SORCS1: variants seen among roughly 807,000 people sequenced by gnomAD.
SORCS1 encodes sortilin related VPS10 domain containing receptor 1, also known as VPS10 domain-containing receptor SorCS1.
SORCS1 carries 60 observed loss-of-function variants against 146.1 expected under a neutral mutation model. The observed-to-expected ratio is 0.41, with a 90% CI of 0.33 to 0.51. The LOEUF (loss-of-function observed/expected upper bound fraction) is 0.51. SORCS1 is among the 20% of genes least tolerant of loss of function. The probability of loss-of-function intolerance (pLI) is 0.21; values close to 1 mark genes in which losing one functional copy is unlikely to be tolerated. For synonymous variants in SORCS1, 637 were observed against 584.0 expected (o/e 1.09, Z -1.31); for missense variants, 1,352 against 1,487.6 (o/e 0.91, Z 1.50).
chr10:106,888,536 C>A (rs1420889874), intron 2 of SORCS1, among the ~76,000 whole-genome samples: 1 of 152,180 alleles, frequency 6.6e-6, no homozygotes, highest in Non-Finnish European at 1.5e-5. Flanking sequence ...TGAAAGTTTT[C>A]TATCCTGGTT....
rs562857184 is a variant in SORCS1 at position 106,927,478 on chromosome 10, A to G, written c.626+29035T>C. ...TGGACCCAAAGAGTGAGCAGCAGCA[A>G]GACTTATTGCAAAGAGCGAAAGAAT... is the stretch of plus-strand genomic sequence containing the variant. On this transcript the variant is annotated intron_variant, in intron 2 of 25. Transcript: ENST00000263054. 9.2e-5 allele frequency among the ~76,000 whole-genome samples: 14 copies of G among 152,234 alleles called. No individual in the cohort carries two copies. The East Asian group carries it at 2.7e-3, about 29-fold the overall frequency.
intron 2 of SORCS1, among the ~76,000 whole-genome samples, chr10:106,875,678 T>C (rs1950566079): frequency 1.3e-5 from 2 of 152,236 alleles, no homozygotes; most frequent in Admixed American, 6.5e-5. Flanking sequence ...AGGTGTTATC[T>C]TACCATGGCT....
chr10:106,895,005 G>C (rs970375504), intron 2 of SORCS1, among the ~76,000 whole-genome samples: 1 of 152,146 alleles, frequency 6.6e-6, no homozygotes, highest in South Asian at 2.1e-4. Context: ...ATATAAACCA[G>C]ATGTCAACTG....
chr10:107,118,617 G>A (rs141406774), intron 1 of SORCS1, among the ~76,000 whole-genome samples: 2 of 152,230 alleles, frequency 1.3e-5, no homozygotes, highest in East Asian at 1.9e-4. Flanking sequence ...TAAACAGACC[G>A]ATGGGTGACT....
intron 3 of SORCS1, among the ~76,000 whole-genome samples, chr10:106,798,862 T>A (rs933511897): frequency 6.6e-6 from 1 of 152,066 alleles, no homozygotes; most frequent in Non-Finnish European, 1.5e-5. Flanking sequence ...CTTTTTTCAC[T>A]GAATTGGAAA....
At chr10:106,973,651 C>T (rs1021632512) in intron 1 of SORCS1, among the ~76,000 whole-genome samples, 14 of 152,192 alleles carry the variant, frequency 9.2e-5, no homozygotes, top group African/African-American at 2.9e-4. Context: ...GAAAATTGAA[C>T]CTCTCCTTTA....
At chr10:106,740,144 T>G (rs7903481) in intron 5 of SORCS1, among the ~76,000 whole-genome samples, 24,549 of 151,936 alleles carry the variant, frequency 0.16, 3,091 homozygotes, top group African/African-American at 0.35. Flanking sequence ...GTTGTGGAAA[T>G]GCAGTACAGT....
At chr10:106,970,383 G>A (rs1424722463) in intron 1 of SORCS1, among the ~76,000 whole-genome samples, 1 of 121,260 alleles carries the variant, frequency 8.2e-6, no homozygotes, top group Non-Finnish European at 1.6e-5. Context: ...TTGTCTCCCA[G>A]GCTGGAGTGC....
chr10:106,823,541 T>C (rs183846747), intron 3 of SORCS1, among the ~76,000 whole-genome samples: 3 of 152,346 alleles, frequency 2.0e-5, no homozygotes, highest in East Asian at 3.9e-4. Flanking sequence ...CAGTCATGTA[T>C]TGGACACCTA....
chr10:106,631,640 A>T (rs1336900168), intron 18 of SORCS1, among the ~76,000 whole-genome samples: 3 of 152,208 alleles, frequency 2.0e-5, no homozygotes, highest in Non-Finnish European at 4.4e-5. Flanking sequence ...CTTTGTGGTG[A>T]CAGAGTGAGC....
At chr10:106,955,818 A>C (rs1350454869) in intron 2 of SORCS1, among the ~76,000 whole-genome samples, 1 of 151,798 alleles carries the variant, frequency 6.6e-6, no homozygotes, top group Non-Finnish European at 1.5e-5. Context: ...TGGAGAAACC[A>C]CGTCTCTACC....
At chr10:106,652,950 C>A (rs545034636) in intron 17 of SORCS1, among the ~76,000 whole-genome samples, 6 of 151,944 alleles carry the variant, frequency 3.9e-5, no homozygotes, top group Non-Finnish European at 7.4e-5. Context: ...TAATAAATAT[C>A]GCAAAGGAAT....
At chr10:107,028,305 C>G (rs765599840) in intron 1 of SORCS1, among the ~76,000 whole-genome samples, 22 of 152,188 alleles carry the variant, frequency 1.4e-4, no homozygotes, top group Admixed American at 2.6e-4. Context: ...CATCCTTTTC[C>G]TCTTGTGAAA....
rs1441184939 is a variant in SORCS1 at position 106,575,955 on chromosome 10, C to T, written c.*1465G>A. The T allele has an allele frequency of 1.3e-5, 2 of 152,628 alleles. No homozygotes were observed. The highest frequency in any genetic ancestry group is 2.9e-5 in the Non-Finnish European group (2 of 68,038). The allele number at this position is 152,628 out of a possible 1,614,324, so 9.5% of individuals were successfully genotyped here. A position where few individuals can be genotyped will look rare whatever the true frequency, so the allele number is the denominator to read the frequency against. On this transcript the variant is annotated 3_prime_UTR_variant, in exon 26 of 26. Coordinates refer to ENST00000263054, the MANE Select transcript of SORCS1 (RefSeq NM_052918.5). ...CTGCGAAATTGTCACACATTCAAAA[C>T]ATTTCTCACAAGAATCTTCTGGAAT...
rs370208233 is a variant in SORCS1 at position 107,089,523 on chromosome 10, TG to T, written c.558+74445del. ...AATATCATCTAATAGATACTATTTCTGGCGAGTCAGAAAATATCTTTCCTTC... is the reference window on the plus strand; with the variant it reads ...AATATCATCTAATAGATACTATTTCTGCGAGTCAGAAAATATCTTTCCTTC... On this transcript the variant is annotated intron_variant, in intron 1 of 25. Coordinates refer to ENST00000263054, the MANE Select transcript of SORCS1 (RefSeq NM_052918.5). Among the ~76,000 whole-genome samples, 91 of 152,360 alleles carry T rather than the reference TG, an allele frequency of 6.0e-4. No homozygotes were observed. The South Asian group carries it at 0.019, about 31-fold the overall frequency.
chr10:106,732,372 G>A lies in SORCS1; in HGVS notation c.960-2258C>T, dbSNP rs187352004. Among the ~76,000 whole-genome samples the A allele has an allele frequency of 2.5e-3, 374 of 152,236 alleles. 5 individuals carry two copies. The highest frequency in any genetic ancestry group is 8.5e-3 in the African/African-American group (354 of 41,542). On this transcript the variant is annotated intron_variant, in intron 5 of 25. Coordinates refer to ENST00000263054, the MANE Select transcript of SORCS1 (RefSeq NM_052918.5). ...TGCAGCGACTACTAGGCTTTGGGTG[G>A]TGACTCTCCTCACACTGAAGCATTA...
chr10:107,088,851 T>G (rs1590109280), intron 1 of SORCS1, among the ~76,000 whole-genome samples: 1 of 152,236 alleles, frequency 6.6e-6, no homozygotes, highest in Non-Finnish European at 1.5e-5. Context: ...AGAAACTTCC[T>G]GTTCAGCTTT....
intron 2 of SORCS1, among the ~76,000 whole-genome samples, chr10:106,947,432 A>G (rs1378283518): frequency 1.3e-5 from 2 of 152,248 alleles, no homozygotes; most frequent in African/African-American, 4.8e-5. Context: ...GTAATGGAGA[A>G]GCAGTGTAGC....
At chr10:107,154,206 T>C (rs943132529) in intron 1 of SORCS1, among the ~76,000 whole-genome samples, 2 of 152,032 alleles carry the variant, frequency 1.3e-5, no homozygotes, top group Non-Finnish European at 2.9e-5. Context: ...TTTCTCCATG[T>C]TGGCCAGGCT....
Sources: gnomAD v4.1 joint callset for allele counts (sites outside exome capture counted in the v4.1 genomes callset) on GRCh38, gnomAD v4.1.1 for gene constraint, MANE v1.5 for transcripts, NCBI Gene and HGNC (gene_info 2026-07-23, HGNC 2026-07-21) for gene names.